The following SASH1 variants were observed in gnomAD, a reference collection of about 807,000 sequenced individuals.
SASH1 encodes SAM and SH3 domain containing 1.
In SASH1, 44 loss-of-function variants were observed where a neutral mutation model predicts 125.2. The ratio of observed to expected loss-of-function variants is 0.35; its 90% confidence interval spans 0.28 to 0.45. The LOEUF (loss-of-function observed/expected upper bound fraction) is 0.45, where lower values mean the gene tolerates loss of function less well. Ranked by LOEUF, SASH1 falls within the 20% of genes least tolerant of loss-of-function variation. The probability of loss-of-function intolerance (pLI) is 1.00; values close to 1 mark genes in which losing one functional copy is unlikely to be tolerated. For missense variants in SASH1, 1,426 were observed against 1,614.5 expected, an observed-to-expected ratio of 0.88 and a Z score of 2.00; for synonymous variants, 639 against 649.1, an observed-to-expected ratio of 0.98 and a Z score of 0.24.
intron 1 of SASH1, among the ~76,000 whole-genome samples, chr6:148,313,602 AC>A (rs1408361051): frequency 6.6e-6 from 1 of 152,060 alleles, no homozygotes; most frequent in African/African-American, 2.4e-5. Context: ...GAGACTTTTT[AC>A]CCTTCCACTG....
At chr6:148,520,106 C>G in intron 10 of SASH1, 1 of 558,724 alleles carries the variant, frequency 1.8e-6, no homozygotes, top group South Asian at 2.3e-5. Context: ...GGCAGAAAGG[C>G]AAAGGGGGCG....
rs1057389940 is a variant in SASH1 at position 148,550,291 on chromosome 6, A to G, written c.*1733A>G. 4 of 152,226 alleles carry G rather than the reference A, an allele frequency of 2.6e-5. No individual in the cohort carries two copies. The highest frequency in any genetic ancestry group is 9.6e-5 in the African/African-American group (4 of 41,456). 9.4% of individuals were successfully genotyped at this position (152,226 alleles called of 1,614,324 possible). On this transcript the variant is annotated 3_prime_UTR_variant, in exon 20 of 20. Transcript: ENST00000367467. Reference sequence around the variant, plus strand: ...TAAAGGTCAATCATTTATAATAGAAACACCTTGACCACAAGCCCTTGATTG... The same window carrying G: ...TAAAGGTCAATCATTTATAATAGAAGCACCTTGACCACAAGCCCTTGATTG...
At chr6:148,501,447 G>A (rs1779556864) in intron 8 of SASH1, among the ~76,000 whole-genome samples, 1 of 152,122 alleles carries the variant, frequency 6.6e-6, no homozygotes, top group Non-Finnish European at 1.5e-5. Flanking sequence ...TCCATGGCAT[G>A]TGAGAATTGG....
Position 148,519,766 on chromosome 6 carries a change from G to T in SASH1, c.1082G>T (p.Gly361Val). 1 of 1,614,120 alleles carries T rather than the reference G, an allele frequency of 6.2e-7. No homozygotes were observed. The highest frequency in any genetic ancestry group is 1.7e-5 in the Admixed American group (1 of 60,024). ...VKTFSKGESR[G>V]LIKPPKKMGT... is the part of the protein sequence containing the mutation. ...ACCTTCAGCAAAGGAGAGAGCCGGGGCCTGATTAAGCCCCCCAAGAAGATG... is the reference window on the plus strand; with the variant it reads ...ACCTTCAGCAAAGGAGAGAGCCGGGTCCTGATTAAGCCCCCCAAGAAGATG... Residue 361 changes from glycine (G) to valine (V), a missense_variant, in exon 10 of 20, where the codon GGC becomes GTC. Gly to Val is a moderately radical substitution (Grantham distance 109). This residue lies in a region of SASH1 where 567 missense variants were observed against 575.6 expected (regional missense o/e 0.99). Transcript: ENST00000367467. The surrounding 1 kb of genome is among the most constrained non-coding windows in gnomAD (Gnocchi z 4.8).
At chr6:148,429,749 A>C (rs1775986241) in intron 2 of SASH1, among the ~76,000 whole-genome samples, 1 of 146,456 alleles carries the variant, frequency 6.8e-6, no homozygotes, top group Non-Finnish European at 1.5e-5. Context: ...TCTCTTTAAA[A>C]AAAAACAAAA....
intron 8 of SASH1, chr6:148,508,469 A>G: frequency 2.0e-6 from 2 of 1,000,452 alleles, no homozygotes; most frequent in Non-Finnish European, 2.4e-6. Context: ...AAGGAACTGG[A>G]GGCCAGCAGG....
intron 1 of SASH1, among the ~76,000 whole-genome samples, chr6:148,309,121 T>C (rs1780228968): frequency 6.7e-6 from 1 of 149,354 alleles, no homozygotes; most frequent in Admixed American, 6.7e-5. Context: ...TTTCTCTAAA[T>C]GGTCCCATCA....
intron 1 of SASH1, among the ~76,000 whole-genome samples, chr6:148,373,186 C>T (rs1311296164): frequency 2.6e-5 from 4 of 151,600 alleles, no homozygotes; most frequent in Non-Finnish European, 4.4e-5. Flanking sequence ...AGCGAAACTC[C>T]GTCTCAAAAA....
At chr6:148,366,383 A>G (rs1278651774) in intron 1 of SASH1, among the ~76,000 whole-genome samples, 2 of 152,200 alleles carry the variant, frequency 1.3e-5, no homozygotes, top group African/African-American at 4.8e-5. Context: ...AGATATAGAC[A>G]CAAGAAAATA....
At chr6:148,456,828 T>C (rs141048812) in intron 4 of SASH1, among the ~76,000 whole-genome samples, 145 of 150,894 alleles carry the variant, frequency 9.6e-4, no homozygotes, top group African/African-American at 3.2e-3. Context: ...TCACATCACT[T>C]CATTCCAGCC....
At chr6:148,418,698 T>C (rs13209226) in intron 2 of SASH1, among the ~76,000 whole-genome samples, 7,742 of 152,264 alleles carry the variant, frequency 0.051, 244 homozygotes, top group East Asian at 0.078. Context: ...GAGCAACCGA[T>C]AGCCTGTGCC....
intron 1 of SASH1, among the ~76,000 whole-genome samples, chr6:148,388,134 C>T (rs1343897335): frequency 6.6e-6 from 1 of 151,904 alleles, no homozygotes; most frequent in East Asian, 1.9e-4. Context: ...AGGCTGGTCT[C>T]GAACTCCTGA....
intron 1 of SASH1, among the ~76,000 whole-genome samples, chr6:148,308,634 G>A (rs1330276621): frequency 4.0e-5 from 6 of 151,094 alleles, no homozygotes; most frequent in Non-Finnish European, 5.9e-5. Flanking sequence ...GACGTCAGGT[G>A]ATCCACCCAC....
At chr6:148,337,459 C>T (rs772330621) in intron 1 of SASH1, among the ~76,000 whole-genome samples, 1 of 151,958 alleles carries the variant, frequency 6.6e-6, no homozygotes, top group African/African-American at 2.4e-5. Context: ...CTCCTGACCT[C>T]GTGATCCGCC....
intron 10 of SASH1, among the ~76,000 whole-genome samples, chr6:148,520,826 G>A (rs758735875): frequency 5.3e-5 from 8 of 152,124 alleles, no homozygotes; most frequent in Admixed American, 1.3e-4. Flanking sequence ...AAAAACTGCC[G>A]TCATCACAGT....
intron 2 of SASH1, among the ~76,000 whole-genome samples, chr6:148,411,947 A>G (rs957515567): frequency 3.3e-5 from 5 of 152,250 alleles, no homozygotes; most frequent in Non-Finnish European, 7.3e-5. Flanking sequence ...CCAAGTCTCT[A>G]TGGAGGTTTC....
At chr6:148,430,522 A>G (rs1225466588) in intron 2 of SASH1, among the ~76,000 whole-genome samples, 1 of 151,980 alleles carries the variant, frequency 6.6e-6, no homozygotes, top group African/African-American at 2.4e-5. Flanking sequence ...AGTGGAGATG[A>G]GGTTTCACCC....
At chr6:148,428,080 C>T (rs1305568673) in intron 2 of SASH1, among the ~76,000 whole-genome samples, 1 of 152,192 alleles carries the variant, frequency 6.6e-6, no homozygotes, top group Non-Finnish European at 1.5e-5. Context: ...AGTATAGTAA[C>T]ATCCATCTCG....
the SASH1 span, among the ~76,000 whole-genome samples, chr6:148,257,485 A>G: frequency 6.6e-6 from 1 of 152,216 alleles, no homozygotes; most frequent in Non-Finnish European, 1.5e-5. Flanking sequence ...TCCGTCGCCA[A>G]TTCCTTTGGA....
Sources: allele counts gnomAD v4.1 joint callset (sites outside exome capture counted in the v4.1 genomes callset), GRCh38; gene constraint gnomAD v4.1.1; regional missense constraint gnomAD v4.1.1; non-coding constraint Gnocchi (gnomAD v3.1); transcripts MANE v1.5; gene names NCBI Gene and HGNC (gene_info 2026-07-23, HGNC 2026-07-21).